SLC22A15: variants seen among roughly 807,000 people sequenced by gnomAD.
The protein encoded by SLC22A15 is solute carrier family 22 member 15, also known as flipt 1.
Under a neutral mutation model 62.7 loss-of-function variants are expected in SLC22A15, and 45 were observed. The ratio of observed to expected loss-of-function variants is 0.72; its 90% confidence interval spans 0.56 to 0.92. The LOEUF (loss-of-function observed/expected upper bound fraction) is 0.92. SLC22A15 is among the 40% of genes least tolerant of loss of function. The pLI, the probability that SLC22A15 is intolerant of heterozygous loss-of-function variation, is 0.00. For missense variants in SLC22A15, 622 were observed against 665.6 expected (o/e 0.93, Z 0.72); for synonymous variants, 264 against 267.0 (o/e 0.99, Z 0.11).
At chr1:116,003,921 T>C (rs998224037) in intron 2 of SLC22A15, among the ~76,000 whole-genome samples, 1 of 152,146 alleles carries the variant, frequency 6.6e-6, no homozygotes, top group African/African-American at 2.4e-5. Context: ...CTAGAGAAAG[T>C]TATATTTGTC....
intron 2 of SLC22A15, among the ~76,000 whole-genome samples, chr1:116,004,867 A>G: frequency 6.6e-6 from 1 of 152,108 alleles, no homozygotes; most frequent in Non-Finnish European, 1.5e-5. Flanking sequence ...ATTTTGTCAA[A>G]TGATCTATTT....
intron 6 of SLC22A15, among the ~76,000 whole-genome samples, chr1:116,033,884 G>A (rs1298673825): frequency 6.6e-6 from 1 of 152,120 alleles, no homozygotes; most frequent in Non-Finnish European, 1.5e-5. Flanking sequence ...AAGAAATCAT[G>A]CATAATACTT....
intron 8 of SLC22A15, among the ~76,000 whole-genome samples, chr1:116,057,077 G>C (rs1447140450): frequency 6.6e-6 from 1 of 152,032 alleles, no homozygotes; most frequent in African/African-American, 2.4e-5. Context: ...AAACTAAAGA[G>C]CTTCTGCACA....
intron 2 of SLC22A15, among the ~76,000 whole-genome samples, chr1:116,018,681 G>T (rs1469811174): frequency 6.6e-6 from 1 of 152,076 alleles, no homozygotes; most frequent in Non-Finnish European, 1.5e-5. Flanking sequence ...ACATGGTGAT[G>T]TTTTAATACA....
chr1:116,009,511 C>A (rs1396095022), intron 2 of SLC22A15, among the ~76,000 whole-genome samples: 1 of 152,128 alleles, frequency 6.6e-6, no homozygotes, highest in Non-Finnish European at 1.5e-5. Flanking sequence ...CAGCCAAGGC[C>A]AGCAGCACCA....
At chr1:115,998,817 A>G (rs1655561985) in intron 2 of SLC22A15, among the ~76,000 whole-genome samples, 2 of 151,338 alleles carry the variant, frequency 1.3e-5, no homozygotes, top group South Asian at 4.2e-4. Flanking sequence ...CTTTTCTTCT[A>G]CTAATTTTGG....
intron 10 of SLC22A15, 73 bp from the exon 11 acceptor site, chr1:116,066,447 T>G: frequency 5.0e-6 from 7 of 1,391,470 alleles, no homozygotes; most frequent in Non-Finnish European, 5.8e-6. Flanking sequence ...TTTTCAGTCA[T>G]GAGACTGCTT....
chr1:116,006,678 T>C (rs1389783292), intron 2 of SLC22A15, among the ~76,000 whole-genome samples: 2 of 152,038 alleles, frequency 1.3e-5, no homozygotes, highest in African/African-American at 4.8e-5. Context: ...TTCCTTCTCT[T>C]CTCCCCACCT....
rs191982051 is a variant in SLC22A15 at position 116,004,299 on chromosome 1, G to T, written c.300+12056G>T. On this transcript the variant is annotated intron_variant, in intron 2 of 11. Coordinates refer to ENST00000369503, the MANE Select transcript of SLC22A15 (RefSeq NM_018420.3). ...TGTTTTGGTAATACTTTCTTTTGTG[G>T]ATAGTTGTTCAATTTGGTGTTCCTG... Among the ~76,000 whole-genome samples, 437 of 152,290 alleles carry T rather than the reference G, an allele frequency of 2.9e-3. 3 individuals carry two copies. Among genetic ancestry groups the T allele is most frequent in the Admixed American group, 4.8e-3 (73 of 15,294 alleles).
chr1:116,002,316 T>C (rs566630822), intron 2 of SLC22A15, among the ~76,000 whole-genome samples: 37 of 152,332 alleles, frequency 2.4e-4, no homozygotes, highest in African/African-American at 8.7e-4. Flanking sequence ...TACCAGGTCC[T>C]GCCCAAGGCC....
rs1275150211 is a variant in SLC22A15, at chr1:116,066,635, C to G, written c.1481C>G (p.Ser494Cys). The change falls in exon 11 of 12, where the codon TCC becomes TGC. Residue 494 changes from serine to cysteine, a missense_variant. Physicochemically the swap from Ser to Cys is moderately radical, Grantham distance 112. Coordinates refer to ENST00000369503, the MANE Select transcript of SLC22A15 (RefSeq NM_018420.3). ...TLNSPLLETF[S>C]DLQVYSYRRL... is the part of the protein sequence containing the mutation. The stretch of plus-strand genomic sequence containing the variant: ...AACAGTCCGCTGCTAGAAACATTCT[C>G]CGACCTTCAGGTGTATTCGTATCGC... 6.2e-7 allele frequency: 1 copy of G among 1,612,266 alleles called. No homozygotes were observed. Among genetic ancestry groups the G allele is most frequent in the Non-Finnish European group, 8.5e-7 (1 of 1,179,304 alleles).
At chr1:115,990,237 C>T (rs1365577329) in intron 1 of SLC22A15, among the ~76,000 whole-genome samples, 5 of 152,072 alleles carry the variant, frequency 3.3e-5, no homozygotes, top group African/African-American at 7.2e-5. Flanking sequence ...GCCTTCCAGG[C>T]GAAGCGAATG....
At chr1:115,999,003 T>A (rs929629310) in intron 2 of SLC22A15, among the ~76,000 whole-genome samples, 2 of 152,220 alleles carry the variant, frequency 1.3e-5, no homozygotes, top group African/African-American at 4.8e-5. Flanking sequence ...AAGGAATTTT[T>A]AAATTTTCTT....
intron 1 of SLC22A15, among the ~76,000 whole-genome samples, chr1:115,988,687 AT>A (rs33995476): frequency 0.61 from 84,870 of 140,110 alleles, 25,305 homozygotes; most frequent in Non-Finnish European, 0.66. Context: ...TGCCCAGCTA[AT>A]TTTTTTTTTT....
chr1:116,032,497 T>C (rs1657455810), intron 6 of SLC22A15: 21 of 985,384 alleles, frequency 2.1e-5, no homozygotes, highest in Non-Finnish European at 2.5e-5. Context: ...ATGAAAGTGA[T>C]CTTATGTATA....
At chr1:116,041,908 T>C (rs949750082) in intron 8 of SLC22A15, among the ~76,000 whole-genome samples, 5 of 152,096 alleles carry the variant, frequency 3.3e-5, no homozygotes, top group Non-Finnish European at 5.9e-5. Context: ...GATAGAGACA[T>C]CCTAGGTCAA....
intron 8 of SLC22A15, among the ~76,000 whole-genome samples, 164 bp from the exon 9 acceptor site, chr1:116,062,598 T>C (rs1244513409): frequency 2.6e-5 from 4 of 152,226 alleles, no homozygotes; most frequent in African/African-American, 7.2e-5. Context: ...AATAGATGCA[T>C]GTGTTGTGTG....
At chr1:116,001,563 C>A (rs936411358) in intron 2 of SLC22A15, among the ~76,000 whole-genome samples, 5 of 151,858 alleles carry the variant, frequency 3.3e-5, no homozygotes, top group Non-Finnish European at 7.4e-5. Context: ...TTTTCAATAG[C>A]CTGTCTTTAA....
At position 116,019,692 on chromosome 1, in the gene SLC22A15, A is replaced by G; in HGVS notation, c.411A>G (p.Gly137=). ...ISFGQLSDRF[G]RKKVYLTGFA... is the part of the protein sequence containing the mutation. ...TTGGTCAGCTTTCAGATCGCTTCGG[A>G]AGGAAAAAAGTCTATCTCACAGGTA... Residue 137 remains glycine, a synonymous_variant, in exon 3 of 12, where the codon GGA becomes GGG. Transcript: ENST00000369503. 6.2e-7 allele frequency: 1 copy of G among 1,613,176 alleles called. No homozygotes were observed. The highest frequency in any genetic ancestry group is 2.2e-5 in the East Asian group (1 of 44,872).
Sources: allele counts gnomAD v4.1 joint callset (sites outside exome capture counted in the v4.1 genomes callset), GRCh38; gene constraint gnomAD v4.1.1; transcripts MANE v1.5; gene names NCBI Gene and HGNC (gene_info 2026-07-23, HGNC 2026-07-21).